Variants in PIK3AP1 observed in about 807,000 individuals in gnomAD.
PIK3AP1 encodes phosphoinositide-3-kinase adaptor protein 1.
PIK3AP1 carries 21 observed loss-of-function variants against 88.1 expected under a neutral mutation model. The ratio of observed to expected loss-of-function variants is 0.24; its 90% CI spans 0.17 to 0.34. The LOEUF (loss-of-function observed/expected upper bound fraction) is 0.34. Ranked by LOEUF, PIK3AP1 falls within the 10% of genes least tolerant of loss-of-function variation. PIK3AP1 has a pLI of 1.00. For missense variants in PIK3AP1, 828 were observed against 1,035.7 expected, an observed-to-expected ratio of 0.80 and a Z score of 2.75; for synonymous variants, 398 against 400.0, an observed-to-expected ratio of 1.00 and a Z score of 0.06.
intron 8 of PIK3AP1, among the ~76,000 whole-genome samples, chr10:96,629,403 C>T (rs965387594): frequency 5.3e-5 from 8 of 151,634 alleles, no homozygotes; most frequent in Admixed American, 2.0e-4. Context: ...TAACTGGAAC[C>T]ATATTATTTA....
At chr10:96,688,724 G>A (rs1423923892) in intron 2 of PIK3AP1, among the ~76,000 whole-genome samples, 1 of 152,052 alleles carries the variant, frequency 6.6e-6, no homozygotes, top group East Asian at 1.9e-4. Context: ...CTTAAACCCA[G>A]GAGGCGGAGG....
At chr10:96,608,549 G>A (rs1359609412) in intron 14 of PIK3AP1, among the ~76,000 whole-genome samples, 1 of 152,230 alleles carries the variant, frequency 6.6e-6, no homozygotes, top group Admixed American at 6.5e-5. Flanking sequence ...CACTGGCTAT[G>A]TAACCTTGGG....
Position 96,597,086 on chromosome 10 carries a change from G to C in PIK3AP1, c.2361-1452C>G, listed in dbSNP as rs1329910879. ...CCTAGTCCCAGGATTAGATGGTTTT[G>C]TATGGTTGTCACTGAGTGACTGAGC... On this transcript the variant is annotated intron_variant, in intron 16 of 16. Coordinates refer to ENST00000339364, the MANE Select transcript of PIK3AP1 (RefSeq NM_152309.3). Among the ~76,000 whole-genome samples the C allele has an allele frequency of 1.3e-4, 19 of 151,886 alleles. 1 individual carries two copies. Among genetic ancestry groups the C allele is most frequent in the Admixed American group, 1.2e-3 (19 of 15,242 alleles).
At chr10:96,681,883 C>T (rs1211933225) in intron 2 of PIK3AP1, among the ~76,000 whole-genome samples, 2 of 152,092 alleles carry the variant, frequency 1.3e-5, no homozygotes, top group African/African-American at 4.8e-5. Context: ...CCACATTTTG[C>T]TCAGGGACTT....
At chr10:96,636,997 A>G (rs1380106026) in intron 8 of PIK3AP1, among the ~76,000 whole-genome samples, 5 of 152,228 alleles carry the variant, frequency 3.3e-5, no homozygotes, top group African/African-American at 1.2e-4. Flanking sequence ...AATTTAATAG[A>G]AAACCAAGTG....
intron 2 of PIK3AP1, among the ~76,000 whole-genome samples, chr10:96,667,563 T>A (rs2134250106): frequency 6.6e-6 from 1 of 152,292 alleles, no homozygotes; most frequent in African/African-American, 2.4e-5. Flanking sequence ...TAAGGCAACC[T>A]GACAACAATT....
intron 8 of PIK3AP1, among the ~76,000 whole-genome samples, chr10:96,629,808 TG>T (rs1470390656): frequency 1.4e-5 from 2 of 146,004 alleles, no homozygotes; most frequent in Admixed American, 6.9e-5. Context: ...CTGGGAGGAT[TG>T]CTTGGGCCAA....
intron 6 of PIK3AP1, among the ~76,000 whole-genome samples, chr10:96,650,369 T>C (rs1403564587): frequency 1.3e-5 from 2 of 152,080 alleles, no homozygotes; most frequent in Admixed American, 1.3e-4. Flanking sequence ...ACAGAAACAC[T>C]ACAATAGGCA....
chr10:96,674,961 C>T (rs974304838), intron 2 of PIK3AP1, among the ~76,000 whole-genome samples: 5 of 152,358 alleles, frequency 3.3e-5, no homozygotes, highest in African/African-American at 9.6e-5. Context: ...TCTGCAATCA[C>T]GGTTCACTGC....
At position 96,629,926 on chromosome 10, in the gene PIK3AP1, A is replaced by AG. The variant is rs1589500142; in HGVS notation, c.1376-1434_1376-1433insC. 8.8e-5 allele frequency among the ~76,000 whole-genome samples: 7 copies of AG among 79,892 alleles called. No homozygotes were observed. In the South Asian group the frequency reaches 2.9e-3, roughly 33 times the overall value. 52.4% of individuals were successfully genotyped at this position (79,892 alleles called of 152,430 possible). ...ACAACAACCAAAAAAAAAAAAAAAA[A>AG]AAAAAAGAAGAAGAAGAAGAAGAAG... On this transcript the variant is annotated intron_variant, in intron 8 of 16. Coordinates refer to ENST00000339364, the MANE Select transcript of PIK3AP1 (RefSeq NM_152309.3).
rs1174018487 is a variant in PIK3AP1, at chr10:96,602,161, G to A, written c.2360+119C>T. On this transcript the variant is annotated intron_variant, in intron 16 of 16. Transcript: ENST00000339364. ...GCCTCCCAAAGTGCTGGGATTACAG[G>A]CATGAGCCACTGCGCCCAGCTCTGC... is the stretch of plus-strand genomic sequence containing the variant. 8.5e-6 allele frequency: 7 copies of A among 827,466 alleles called. No homozygotes were observed. In the East Asian group the frequency reaches 1.6e-4, roughly 19 times the overall value. The allele number at this position is 827,466 out of a possible 1,614,324, so 51.3% of individuals were successfully genotyped here.
chr10:96,630,315 G>A (rs532546834), intron 8 of PIK3AP1, among the ~76,000 whole-genome samples: 12 of 152,220 alleles, frequency 7.9e-5, no homozygotes, highest in African/African-American at 1.4e-4. Context: ...AATCCCGCCC[G>A]CCTGTTCTTG....
At chr10:96,630,673 A>T (rs75610286) in intron 8 of PIK3AP1, among the ~76,000 whole-genome samples, 2 of 136,646 alleles carry the variant, frequency 1.5e-5, no homozygotes, top group African/African-American at 2.9e-5. Flanking sequence ...TGTCTCTATT[A>T]AAAAAAAAAA....
intron 2 of PIK3AP1, among the ~76,000 whole-genome samples, chr10:96,693,181 C>T (rs904108564): frequency 6.6e-6 from 1 of 152,234 alleles, no homozygotes; most frequent in African/African-American, 2.4e-5. Flanking sequence ...ATTTGAAATT[C>T]TCACATTCAT....
chr10:96,648,852 T>C lies in PIK3AP1; in HGVS notation c.992A>G (p.Gln331Arg). Residue 331 changes from glutamine (Q) to arginine (R), a missense_variant, in exon 7 of 17, where the codon CAG becomes CGG. Around this residue, in one of 3 missense-constraint regions of PIK3AP1, gnomAD observed 610 missense variants for 760.1 expected, o/e 0.80. Coordinates refer to ENST00000339364, the MANE Select transcript of PIK3AP1 (RefSeq NM_152309.3). ...CAGGGTGGGCAGCTCTTCATCCCTCTGATCTGAAAATTATCAAGGAAAACT... is the reference window on the plus strand; with the variant it reads ...CAGGGTGGGCAGCTCTTCATCCCTCCGATCTGAAAATTATCAAGGAAAACT... ...QLEEEDMMTNQRDEELPTLLH... is the reference protein window; with the variant it reads ...QLEEEDMMTNRRDEELPTLLH... The C allele has an allele frequency of 6.4e-7, 1 of 1,556,864 alleles. No individual in the cohort carries two copies. The highest frequency in any genetic ancestry group is 1.4e-5 in the African/African-American group (1 of 71,810).
intron 10 of PIK3AP1, among the ~76,000 whole-genome samples, chr10:96,626,057 C>T (rs551650079): frequency 9.9e-5 from 15 of 152,282 alleles, no homozygotes; most frequent in African/African-American, 3.6e-4. Flanking sequence ...ATTTCTAATA[C>T]TCTTATAGTA....
chr10:96,594,725 C>T lies in PIK3AP1; in HGVS notation c.*852G>A, dbSNP rs772619673. 2.6e-5 allele frequency: 4 copies of T among 152,204 alleles called. No homozygotes were observed. The highest frequency in any genetic ancestry group is 2.9e-5 in the Non-Finnish European group (2 of 68,040). The allele number at this position is 152,204 out of a possible 1,614,324, so 9.4% of individuals were successfully genotyped here. On this transcript the variant is annotated 3_prime_UTR_variant, in exon 17 of 17. Transcript: ENST00000339364. This position sits in a 1 kb window ranked among gnomAD's most constrained non-coding sequence, Gnocchi z 4.6. ...GCCACTTCTAGATGTTCTCTGGAAACATAACTGCGTTGAAACCATACTGAA... is the reference window on the plus strand; with the variant it reads ...GCCACTTCTAGATGTTCTCTGGAAATATAACTGCGTTGAAACCATACTGAA...
chr10:96,677,628 A>C (rs931797574), intron 2 of PIK3AP1, among the ~76,000 whole-genome samples: 5 of 123,906 alleles, frequency 4.0e-5, no homozygotes, highest in Admixed American at 7.6e-5. Flanking sequence ...CACACACACA[A>C]AAGGCCTTTG....
At chr10:96,680,633 A>G (rs1843986578) in intron 2 of PIK3AP1, among the ~76,000 whole-genome samples, 1 of 152,204 alleles carries the variant, frequency 6.6e-6, no homozygotes, top group African/African-American at 2.4e-5. Context: ...TGCAAAGGAC[A>G]TGATCTCATT....
Sources: gnomAD v4.1 joint callset for allele counts (sites outside exome capture counted in the v4.1 genomes callset) on GRCh38, gnomAD v4.1.1 for gene constraint, gnomAD v4.1.1 regional missense constraint, Gnocchi (gnomAD v3.1) non-coding constraint, MANE v1.5 for transcripts, NCBI Gene and HGNC (gene_info 2026-07-23, HGNC 2026-07-21) for gene names.